The following TXNDC5 variants were observed in gnomAD, a reference collection of about 807,000 sequenced individuals.
The protein encoded by TXNDC5 is thioredoxin domain containing 5.
In TXNDC5, 44 loss-of-function variants were observed where a neutral mutation model predicts 52.6. The ratio of observed to expected loss-of-function variants is 0.84; its 90% CI spans 0.66 to 1.08. The LOEUF (loss-of-function observed/expected upper bound fraction) is 1.08. Among genes scored for constraint, TXNDC5 ranks in the 50% least tolerant of loss-of-function variants. The pLI is 0.00. For missense variants in TXNDC5, 600 were observed against 565.5 expected (o/e 1.06, Z -0.62); for synonymous variants, 241 against 234.4 (o/e 1.03, Z -0.26).
At chr6:7,899,525 CAGGGAGAGAGGG>C (rs1561812819) in intron 3 of TXNDC5, 39 bp downstream of exon 3, 1 of 1,046,682 alleles carries the variant, frequency 9.6e-7, no homozygotes. Context: ...AAGATGTAGG[CAGGGAGAGAGGG>C]AGGGAGGGAG....
At chr6:7,897,289 CA>C (rs1233148892) in intron 3 of TXNDC5, among the ~76,000 whole-genome samples, 1 of 152,078 alleles carries the variant, frequency 6.6e-6, no homozygotes, top group African/African-American at 2.4e-5. Flanking sequence ...TACAAAGTGA[CA>C]AATTGTCTTT....
At chr6:7,892,106 G>A (rs1050767249) in intron 4 of TXNDC5, among the ~76,000 whole-genome samples, 2 of 152,232 alleles carry the variant, frequency 1.3e-5, no homozygotes, top group Non-Finnish European at 2.9e-5. Context: ...ACGCTTGAAT[G>A]AGCCTCGGCA....
At chr6:7,899,548 G>A (rs1216537120) in intron 3 of TXNDC5, 28 bp downstream of exon 3, 5 of 1,468,972 alleles carry the variant, frequency 3.4e-6, no homozygotes, top group Non-Finnish European at 3.7e-6. Context: ...AGGGAGGGAG[G>A]GAGGGAGGGA....
intron 4 of TXNDC5, among the ~76,000 whole-genome samples, chr6:7,892,902 C>T (rs1421231043): frequency 1.3e-5 from 2 of 152,194 alleles, no homozygotes; most frequent in Non-Finnish European, 2.9e-5. Context: ...CAAGTGCCTT[C>T]TTGGAGAAGG....
chr6:7,897,057 T>C (rs992483029), intron 3 of TXNDC5, among the ~76,000 whole-genome samples: 1 of 152,246 alleles, frequency 6.6e-6, no homozygotes, highest in Non-Finnish European at 1.5e-5. Flanking sequence ...ACTTGTTCCC[T>C]ACATCATTAC....
intron 9 of TXNDC5, 111 bp from the exon 10 acceptor site, chr6:7,883,377 G>A: frequency 1.3e-6 from 2 of 1,507,372 alleles, no homozygotes; most frequent in East Asian, 2.3e-5. Context: ...AAAATTCTGT[G>A]GCTAATTTTT....
At chr6:7,888,986 T>C (rs1760100936) in intron 6 of TXNDC5, 138 bp from the exon 7 acceptor site, 1 of 1,135,004 alleles carries the variant, frequency 8.8e-7, no homozygotes, top group East Asian at 2.6e-5. Flanking sequence ...ATGTTCATAT[T>C]TAGACGGGAA....
At chr6:7,889,213 C>A in intron 6 of TXNDC5, 1 of 464,136 alleles carries the variant, frequency 2.2e-6, no homozygotes, top group East Asian at 3.5e-5. Context: ...TGTTCAAAGG[C>A]CTGAAGGTTT....
intron 5 of TXNDC5, among the ~76,000 whole-genome samples, chr6:7,889,790 T>C (rs1314623982): frequency 1.3e-5 from 2 of 152,218 alleles, no homozygotes; most frequent in African/African-American, 2.4e-5. Context: ...GGAAAGACTT[T>C]AGAGGCAAGA....
intron 5 of TXNDC5, among the ~76,000 whole-genome samples, chr6:7,891,189 T>A (rs1397211462): frequency 6.6e-6 from 1 of 152,112 alleles, no homozygotes; most frequent in Non-Finnish European, 1.5e-5. Context: ...CTGGAAAGAA[T>A]CCCAGGCACA....
chr6:7,899,540 G>C (rs74737649), intron 3 of TXNDC5, 36 bp downstream of exon 3: 12 of 1,451,360 alleles, frequency 8.3e-6, no homozygotes, highest in Non-Finnish European at 1.1e-5. Context: ...AGAGAGGGAG[G>C]GAGGGAGGGA....
intron 3 of TXNDC5, among the ~76,000 whole-genome samples, chr6:7,898,066 T>G (rs1293337325): frequency 6.6e-6 from 1 of 152,040 alleles, no homozygotes; most frequent in South Asian, 2.1e-4. Context: ...TCAGAGAGTT[T>G]TTTTTTTTTT....
In TXNDC5 at chr6:7,882,398, C is replaced by A. The variant is rs996232709; in HGVS notation, c.*746G>T. ...CAACAGTTCATGTGGGCTCTGGCTT[C>A]GTGTTAACATGAGGAACTAAAGACA... On this transcript the variant is annotated 3_prime_UTR_variant, in exon 10 of 10. Coordinates refer to ENST00000379757, the MANE Select transcript of TXNDC5 (RefSeq NM_030810.5). The A allele has an allele frequency of 1.4e-4, 22 of 152,308 alleles. No individual in the cohort carries two copies. The highest frequency in any genetic ancestry group is 4.3e-4 in the African/African-American group (18 of 41,556). 9.4% of individuals were successfully genotyped at this position (152,308 alleles called of 1,614,324 possible). A position where few individuals can be genotyped will look rare whatever the true frequency, so the allele number is the denominator to read the frequency against.
intron 9 of TXNDC5, among the ~76,000 whole-genome samples, 156 bp from the exon 10 acceptor site, chr6:7,883,422 A>G (rs937261392): frequency 1.3e-5 from 2 of 152,194 alleles, no homozygotes; most frequent in African/African-American, 2.4e-5. Context: ...GGAGCAGACT[A>G]CTGTTTAGAA....
At chr6:7,907,220 A>G (rs1760767011) in intron 1 of TXNDC5, among the ~76,000 whole-genome samples, 1 of 151,964 alleles carries the variant, frequency 6.6e-6, no homozygotes, top group African/African-American at 2.4e-5. Flanking sequence ...TAAACAATAA[A>G]TAAGTTTGTG....
rs750612656 is a variant in TXNDC5, at chr6:7,904,582, T to A, written c.405A>T (p.Gly135=). ...SDVCSAQGVR[G]YPTLKLFKPG... ...CCTTCCTTCCAACTTACGTGGGGTA[T>A]CCTCGCACCCCCTGGGCGGAGCACA... is the stretch of plus-strand genomic sequence containing the variant. The change falls in exon 2 of 10, where the codon GGA becomes GGT. Residue 135 remains glycine, a synonymous_variant. Transcript: ENST00000379757. 7 of 1,613,998 alleles carry A rather than the reference T, an allele frequency of 4.3e-6. No homozygotes were observed. In the African/African-American group the frequency reaches 9.3e-5, roughly 22 times the overall value.
intron 3 of TXNDC5, 28 bp downstream of exon 3, chr6:7,899,548 G>GGAGGGAGGGAGC (rs1339672436): frequency 6.8e-7 from 1 of 1,468,830 alleles, no homozygotes; most frequent in African/African-American, 1.4e-5. Flanking sequence ...AGGGAGGGAG[G>GGAGGGAGGGAGC]GAGGGAGGGA....
intron 9 of TXNDC5, 125 bp from the exon 10 acceptor site, chr6:7,883,391 G>A (rs1759840647): frequency 4.3e-6 from 6 of 1,390,750 alleles, no homozygotes; most frequent in Non-Finnish European, 5.9e-6. Context: ...AATTTTTAAA[G>A]GTGTATATTC....
rs545779288 is a variant in TXNDC5 at position 7,892,220 on chromosome 6, GTCT to G, written c.617-487_617-485del. Among the ~76,000 whole-genome samples the G allele has an allele frequency of 6.3e-3, 965 of 152,288 alleles. 8 individuals are homozygous for G. The highest frequency in any genetic ancestry group is 0.022 in the African/African-American group (925 of 41,556). ...GTTCTGTGCCCCCACCAGCTATGAG[GTCT>G]TCTTGTGCCCCCAAAAAACATCACA... On this transcript the variant is annotated intron_variant, in intron 4 of 9. Coordinates refer to ENST00000379757, the MANE Select transcript of TXNDC5 (RefSeq NM_030810.5).
Sources: gnomAD v4.1 joint callset for allele counts (sites outside exome capture counted in the v4.1 genomes callset) on GRCh38, gnomAD v4.1.1 for gene constraint, MANE v1.5 for transcripts, NCBI Gene and HGNC (gene_info 2026-07-23, HGNC 2026-07-21) for gene names.